The following RORB variants were observed in gnomAD, a reference collection of about 807,000 sequenced individuals.
RORB encodes nuclear receptor ROR-beta.
RORB carries 6 observed loss-of-function variants against 59.1 expected under a neutral mutation model. The ratio of observed to expected loss-of-function variants is 0.10; its 90% CI spans 0.06 to 0.20. RORB has a LOEUF of 0.20. Among genes scored for constraint, RORB ranks in the 10% least tolerant of loss-of-function variants. The pLI is 1.00. For missense variants in RORB, 320 were observed against 560.5 expected (o/e 0.57, Z 4.33); for synonymous variants, 215 against 204.5 (o/e 1.05, Z -0.44).
intron 1 of RORB, chr9:74,615,529 G>T: frequency 2.4e-6 from 1 of 420,156 alleles, no homozygotes; most frequent in Non-Finnish European, 4.8e-6. Flanking sequence ...GGTTAACGCA[G>T]GGGCAGTCTT....
intron 1 of RORB, among the ~76,000 whole-genome samples, chr9:74,537,983 C>A (rs1826346604): frequency 6.6e-6 from 1 of 152,100 alleles, no homozygotes; most frequent in Non-Finnish European, 1.5e-5. Flanking sequence ...TCCAGTCCTG[C>A]AAGCTCCACT....
In RORB at chr9:74,671,908, C is replaced by T. The variant is rs1276156559; in HGVS notation, c.1224+7C>T. The stretch of plus-strand genomic sequence containing the variant: ...TGATGAGACCTTGGCAAAGGTAGGT[C>T]CACAGATCACAGAGCCACCACCACC... On this transcript the variant is annotated splice_region_variant and intron_variant, in intron 9 of 9. Transcript: ENST00000376896. 5 of 1,508,016 alleles carry T rather than the reference C, an allele frequency of 3.3e-6. No individual in the cohort carries two copies. The highest frequency in any genetic ancestry group is 4.6e-6 in the Non-Finnish European group (5 of 1,088,386). The allele number at this position is 1,508,016 out of a possible 1,614,324, so 93.4% of individuals were successfully genotyped here.
chr9:74,692,775 A>G lies in RORB; in HGVS notation c.*7157A>G, dbSNP rs978976498. The stretch of plus-strand genomic sequence containing the variant: ...TTACCATGTATTCTTATTGGCCTGT[A>G]GAGGAAAAAGGCAAACCACAAATAA... On this transcript the variant is annotated 3_prime_UTR_variant, in exon 10 of 10. Coordinates refer to ENST00000376896, the MANE Select transcript of RORB (RefSeq NM_006914.4). 2.6e-5 allele frequency: 4 copies of G among 152,214 alleles called. No individual in the cohort carries two copies. The highest frequency in any genetic ancestry group is 5.9e-5 in the Non-Finnish European group (4 of 68,032). 9.4% of individuals were successfully genotyped at this position (152,214 alleles called of 1,614,324 possible). A position where few individuals can be genotyped will look rare whatever the true frequency, so the allele number is the denominator to read the frequency against.
At chr9:74,619,267 A>G (rs1250493929) in intron 1 of RORB, among the ~76,000 whole-genome samples, 1 of 151,970 alleles carries the variant, frequency 6.6e-6, no homozygotes, top group Non-Finnish European at 1.5e-5. Flanking sequence ...TCAGCACCAA[A>G]CCTTCCCAGC....
intron 1 of RORB, among the ~76,000 whole-genome samples, chr9:74,556,640 C>A (rs952313624): frequency 2.6e-5 from 4 of 152,092 alleles, no homozygotes; most frequent in Non-Finnish European, 4.4e-5. Context: ...TGGGTCATAG[C>A]AATTGGCTGA....
intron 9 of RORB, among the ~76,000 whole-genome samples, chr9:74,678,182 G>A (rs1296666511): frequency 1.3e-5 from 2 of 152,132 alleles, no homozygotes; most frequent in African/African-American, 4.8e-5. Context: ...CTTGCCTAAC[G>A]TTAAGCAGCT....
intron 4 of RORB, among the ~76,000 whole-genome samples, chr9:74,651,070 G>A (rs1465463551): frequency 6.6e-6 from 1 of 152,174 alleles, no homozygotes; most frequent in Non-Finnish European, 1.5e-5. Flanking sequence ...CTTTGGTGGC[G>A]TGTGGAGGTG....
intron 1 of RORB, among the ~76,000 whole-genome samples, chr9:74,552,343 C>G (rs1826624474): frequency 6.6e-6 from 1 of 152,130 alleles, no homozygotes; most frequent in South Asian, 2.1e-4. Context: ...AGAACACAGG[C>G]TCTGAAAACA....
chr9:74,675,309 A>AC (rs1464731785), intron 9 of RORB, among the ~76,000 whole-genome samples: 1 of 150,192 alleles, frequency 6.7e-6, no homozygotes, highest in African/African-American at 2.4e-5. Flanking sequence ...ATGAAAAAAA[A>AC]AATACATACA....
rs1236758190 is a variant in RORB at position 74,660,604 on chromosome 9, T to C, written c.638-13T>C. 1 of 1,600,232 alleles carries C rather than the reference T, an allele frequency of 6.2e-7. No homozygotes were observed. Among genetic ancestry groups the C allele is most frequent in the South Asian group, 1.1e-5 (1 of 88,098 alleles). On this transcript the variant is annotated splice_polypyrimidine_tract_variant and intron_variant, in intron 4 of 9. Transcript: ENST00000376896. ...TTATTCACAAACCTTTGAATTGATA[T>C]CTTTTCTCACAGACCGAATTGCACA...
At position 74,634,325 on chromosome 9, in the gene RORB, C is replaced by T. The variant is rs530637386; in HGVS notation, c.94-306C>T. On this transcript the variant is annotated intron_variant, in intron 2 of 9. Transcript: ENST00000376896. ...GCTACTCCTTCCCCACTGCTCTTTG[C>T]GGAGCAGAAACTTCTGTTTATTTCT... Among the ~76,000 whole-genome samples the T allele has an allele frequency of 1.2e-4, 19 of 152,256 alleles. 1 individual carries two copies. In the East Asian group the frequency reaches 1.9e-3, roughly 15 times the overall value.
chr9:74,532,079 T>A (rs1335267807), intron 1 of RORB, among the ~76,000 whole-genome samples: 1 of 151,980 alleles, frequency 6.6e-6, no homozygotes, highest in Non-Finnish European at 1.5e-5. Flanking sequence ...TCATTTGCAA[T>A]CAGAAATTTT....
At position 74,623,343 on chromosome 9, in the gene RORB, G is replaced by A. The variant is rs544195294; in HGVS notation, c.8-6939G>A. 6.7e-4 allele frequency among the ~76,000 whole-genome samples: 102 copies of A among 152,166 alleles called. 3 individuals carry two copies. In the South Asian group the frequency reaches 0.021, roughly 31 times the overall value. On this transcript the variant is annotated intron_variant, in intron 1 of 9. Coordinates refer to ENST00000376896, the MANE Select transcript of RORB (RefSeq NM_006914.4). ...TCATTAAATCTGCAAAGGAAGCCTG[G>A]TACACTGGGTGTTAATTACAGTAAC...
chr9:74,510,976 T>C (rs1388004855), intron 1 of RORB, among the ~76,000 whole-genome samples: 3 of 152,186 alleles, frequency 2.0e-5, no homozygotes, highest in African/African-American at 7.2e-5. Flanking sequence ...TCATACTCTT[T>C]AGCCCAGTAA....
At chr9:74,611,297 T>A (rs1317752518) in intron 1 of RORB, among the ~76,000 whole-genome samples, 1 of 152,094 alleles carries the variant, frequency 6.6e-6, no homozygotes, top group African/African-American at 2.4e-5. Context: ...CAATTCAAAG[T>A]GACAATTAAA....
intron 1 of RORB, among the ~76,000 whole-genome samples, chr9:74,601,065 C>T (rs1424265126): frequency 1.3e-5 from 2 of 152,006 alleles, no homozygotes; most frequent in Non-Finnish European, 2.9e-5. Flanking sequence ...CACTCAATGT[C>T]AGTAAGAGGC....
At chr9:74,574,625 C>T (rs1240160486) in intron 1 of RORB, among the ~76,000 whole-genome samples, 1 of 152,098 alleles carries the variant, frequency 6.6e-6, no homozygotes, top group Admixed American at 6.6e-5. Flanking sequence ...AACAACAAAA[C>T]CTCAGAGTCA....
At chr9:74,500,922 C>CA (rs1297762054) in intron 1 of RORB, among the ~76,000 whole-genome samples, 1 of 151,930 alleles carries the variant, frequency 6.6e-6, no homozygotes, top group East Asian at 1.9e-4. Context: ...GAGAGGGTAC[C>CA]ACAGAAGTTC....
chr9:74,645,813 T>A (rs552879701), intron 4 of RORB, among the ~76,000 whole-genome samples: 1 of 152,234 alleles, frequency 6.6e-6, no homozygotes, highest in South Asian at 2.1e-4. Flanking sequence ...TATAAGCCCA[T>A]ATCTGAGTAA....
Sources: allele counts gnomAD v4.1 joint callset (sites outside exome capture counted in the v4.1 genomes callset), GRCh38; gene constraint gnomAD v4.1.1; transcripts MANE v1.5; gene names NCBI Gene and HGNC (gene_info 2026-07-23, HGNC 2026-07-21).